Variants in PCBP3 observed in about 807,000 individuals in gnomAD.
PCBP3 encodes poly(rC) binding protein 3.
Under a neutral mutation model 52.7 loss-of-function variants are expected in PCBP3, and 25 were observed. The ratio of observed to expected loss-of-function variants is 0.47; its 90% CI spans 0.35 to 0.66. The LOEUF (loss-of-function observed/expected upper bound fraction) is 0.66. Among genes scored for constraint, PCBP3 ranks in the 30% least tolerant of loss-of-function variants. PCBP3 has a pLI of 0.01. For missense variants in PCBP3, 391 were observed against 490.3 expected (o/e 0.80, Z 1.91); for synonymous variants, 162 against 183.0 (o/e 0.89, Z 0.93).
chr21:45,744,037 T>C (rs1327410355), intron 3 of PCBP3, among the ~76,000 whole-genome samples: 1 of 146,510 alleles, frequency 6.8e-6, no homozygotes, highest in Non-Finnish European at 1.5e-5. Flanking sequence ...CACATTTTCT[T>C]ATACACCAAT....
intron 2 of PCBP3, among the ~76,000 whole-genome samples, chr21:45,671,009 C>T (rs993245180): frequency 2.0e-5 from 3 of 152,174 alleles, no homozygotes; most frequent in Admixed American, 2.0e-4. Flanking sequence ...GGCACACATG[C>T]TTCTCAGCCA....
chr21:45,846,005 GA>G (rs1467525682), intron 4 of PCBP3, among the ~76,000 whole-genome samples: 1 of 152,202 alleles, frequency 6.6e-6, no homozygotes, highest in African/African-American at 2.4e-5. Context: ...GTTTCCCACT[GA>G]AAAGGGAGCT....
At chr21:45,803,598 G>A (rs567040692) in intron 4 of PCBP3, among the ~76,000 whole-genome samples, 35 of 152,310 alleles carry the variant, frequency 2.3e-4, no homozygotes, top group African/African-American at 8.2e-4. Context: ...AAGTTTAAAT[G>A]CAAACAGGAC....
At chr21:45,893,734 G>T in intron 5 of PCBP3, 2 of 985,376 alleles carry the variant, frequency 2.0e-6, no homozygotes, top group Non-Finnish European at 2.4e-6. Flanking sequence ...CAGAGGGAGG[G>T]ACCTGGATGG....
chr21:45,811,198 A>G (rs959351567), intron 4 of PCBP3, among the ~76,000 whole-genome samples: 1 of 152,094 alleles, frequency 6.6e-6, no homozygotes, highest in South Asian at 2.1e-4. Context: ...TTCCAACATC[A>G]CCACAGACTC....
At chr21:45,771,504 A>G (rs2089861357) in intron 4 of PCBP3, among the ~76,000 whole-genome samples, 1 of 152,264 alleles carries the variant, frequency 6.6e-6, no homozygotes, top group Admixed American at 6.5e-5. Flanking sequence ...TTAACAAACT[A>G]AAAACGAAAA....
At chr21:45,918,077 G>GTTT in intron 13 of PCBP3, 1 of 230,916 alleles carries the variant, frequency 4.3e-6, no homozygotes. Context: ...CCCCCTTTCA[G>GTTT]AGTCCACATG....
At chr21:45,859,667 G>A (rs1470957399) in intron 5 of PCBP3, 9 of 152,416 alleles carry the variant, frequency 5.9e-5, no homozygotes, top group African/African-American at 2.4e-5. Context: ...GCCCCAGAGC[G>A]GGCTCCACAC....
chr21:45,795,026 G>T (rs944524943), intron 4 of PCBP3, among the ~76,000 whole-genome samples: 1 of 151,946 alleles, frequency 6.6e-6, no homozygotes, highest in Non-Finnish European at 1.5e-5. Flanking sequence ...CGACATTTTC[G>T]TGAAAAAGAT....
At chr21:45,780,614 G>A (rs1603420753) in intron 4 of PCBP3, among the ~76,000 whole-genome samples, 1 of 152,238 alleles carries the variant, frequency 6.6e-6, no homozygotes, top group East Asian at 1.9e-4. Flanking sequence ...CAGGACAGGA[G>A]AGTTGGGTCT....
intron 13 of PCBP3, among the ~76,000 whole-genome samples, chr21:45,927,739 G>A (rs1221581835): frequency 1.3e-5 from 2 of 152,070 alleles, no homozygotes; most frequent in East Asian, 1.9e-4. Context: ...TTTGTCATCC[G>A]CAGCCACAGC....
At chr21:45,801,677 T>C (rs1364751860) in intron 4 of PCBP3, among the ~76,000 whole-genome samples, 1 of 152,386 alleles carries the variant, frequency 6.6e-6, no homozygotes, top group East Asian at 1.9e-4. Flanking sequence ...ACTCTGCTTA[T>C]ATGCCTTTTG....
chr21:45,710,891 C>T (rs1367391188), intron 2 of PCBP3, among the ~76,000 whole-genome samples: 1 of 152,144 alleles, frequency 6.6e-6, no homozygotes, highest in Non-Finnish European at 1.5e-5. Context: ...TTTATAGTTC[C>T]ATGTTGCATT....
intron 1 of PCBP3, among the ~76,000 whole-genome samples, chr21:45,662,271 GTTTTTTTTTTTTTTT>G (rs59220095): frequency 5.1e-5 from 5 of 97,270 alleles, no homozygotes; most frequent in Non-Finnish European, 9.4e-5. Context: ...ATATACCTAA[GTTTTTTTTTTTTTTT>G]TTTTTTTTTT....
rs144447219 is a variant in PCBP3 at position 45,692,153 on chromosome 21, C to T, written c.-200+23201C>T. Among the ~76,000 whole-genome samples the T allele has an allele frequency of 1.2e-3, 188 of 152,128 alleles. 3 individuals carry two copies. The East Asian group carries it at 0.026, about 21-fold the overall frequency. The stretch of plus-strand genomic sequence containing the variant: ...AGGAGATAAGGACCTGGAAGGGTCT[C>T]AATAAAGAATCCAGGAAGGCCACTC... On this transcript the variant is annotated intron_variant, in intron 2 of 17. Coordinates refer to ENST00000681687, the MANE Select transcript of PCBP3 (RefSeq NM_001384156.1).
chr21:45,688,117 A>G (rs1171839992), intron 2 of PCBP3, among the ~76,000 whole-genome samples: 2 of 152,230 alleles, frequency 1.3e-5, no homozygotes, highest in Non-Finnish European at 2.9e-5. Context: ...GTTTTAAAAT[A>G]CATGAAACAG....
At chr21:45,780,817 C>T (rs983176159) in intron 4 of PCBP3, among the ~76,000 whole-genome samples, 3 of 152,124 alleles carry the variant, frequency 2.0e-5, no homozygotes, top group Admixed American at 6.5e-5. Context: ...AGCCAGGGAC[C>T]GATGCGCCAA....
At chr21:45,687,406 G>A (rs1312699075) in intron 2 of PCBP3, among the ~76,000 whole-genome samples, 1 of 152,148 alleles carries the variant, frequency 6.6e-6, no homozygotes, top group East Asian at 1.9e-4. Context: ...AATCCACTAT[G>A]ATAGATATGG....
At chr21:45,857,418 C>T (rs2094343262) in intron 5 of PCBP3, among the ~76,000 whole-genome samples, 1 of 152,136 alleles carries the variant, frequency 6.6e-6, no homozygotes, top group Non-Finnish European at 1.5e-5. Context: ...CTCACGGAGG[C>T]CCCTCTCCAG....
Sources: gnomAD v4.1 joint callset for allele counts (sites outside exome capture counted in the v4.1 genomes callset) on GRCh38, gnomAD v4.1.1 for gene constraint, MANE v1.5 for transcripts, NCBI Gene and HGNC (gene_info 2026-07-23, HGNC 2026-07-21) for gene names.